The following CPED1 variants were observed in gnomAD, a reference collection of about 807,000 sequenced individuals.
The protein encoded by CPED1 is cadherin like and PC-esterase domain containing 1.
Under a neutral mutation model 128.2 loss-of-function variants are expected in CPED1, and 114 were observed. The observed-to-expected ratio is 0.89, with a 90% CI of 0.76 to 1.04. The LOEUF (loss-of-function observed/expected upper bound fraction) is 1.04, where lower values mean the gene tolerates loss of function less well. Ranked by LOEUF, CPED1 falls within the 50% of genes least tolerant of loss-of-function variation. The pLI, the probability that CPED1 is intolerant of heterozygous loss-of-function variation, is 0.00. For synonymous variants in CPED1, 462 were observed against 426.7 expected (o/e 1.08, Z -1.02); for missense variants, 1,211 against 1,207.1 (o/e 1.00, Z -0.05).
chr7:121,047,033 A>G (rs1161695351), intron 4 of CPED1, 40 bp downstream of exon 4: 4 of 1,193,844 alleles, frequency 3.4e-6, no homozygotes, highest in African/African-American at 3.0e-5. Flanking sequence ...TATCAGCCCT[A>G]CAGATATTAA....
At chr7:121,032,458 G>A (rs1792757374) in intron 3 of CPED1, among the ~76,000 whole-genome samples, 2 of 149,118 alleles carry the variant, frequency 1.3e-5, no homozygotes, top group African/African-American at 2.5e-5. Flanking sequence ...TAAACACTGC[G>A]TGTCTCATAA....
At chr7:121,069,905 C>T (rs1404432854) in intron 5 of CPED1, among the ~76,000 whole-genome samples, 4 of 151,938 alleles carry the variant, frequency 2.6e-5, no homozygotes, top group Non-Finnish European at 5.9e-5. Flanking sequence ...TAAAAGTTTG[C>T]CCAATTTTTG....
rs1157128787 is a variant in CPED1, at chr7:121,296,376, T to C, written c.*724T>C. 1.3e-5 allele frequency: 2 copies of C among 152,192 alleles called. No homozygotes were observed. 9.4% of individuals were successfully genotyped at this position (152,192 alleles called of 1,614,324 possible). A position where few individuals can be genotyped will look rare whatever the true frequency, so the allele number is the denominator to read the frequency against. ...CTTCGATGGGTAACTGCAGTCTGAATTAATGAAATATGTAATTTTAAAGTA... is the reference window on the plus strand; with the variant it reads ...CTTCGATGGGTAACTGCAGTCTGAACTAATGAAATATGTAATTTTAAAGTA... On this transcript the variant is annotated 3_prime_UTR_variant, in exon 23 of 23. Transcript: ENST00000310396.
At chr7:121,146,404 C>T (rs966720744) in intron 16 of CPED1, among the ~76,000 whole-genome samples, 2 of 152,124 alleles carry the variant, frequency 1.3e-5, no homozygotes, top group African/African-American at 4.8e-5. Flanking sequence ...AGTTTCAACA[C>T]ATGAATTTTG....
chr7:121,206,787 C>T (rs1428018048), intron 16 of CPED1, among the ~76,000 whole-genome samples: 3 of 151,780 alleles, frequency 2.0e-5, no homozygotes, highest in African/African-American at 7.3e-5. Context: ...AAACAAATTA[C>T]TCATAATCCC....
chr7:121,015,856 T>G lies in CPED1; in HGVS notation c.433+8T>G, dbSNP rs1295880107. The G allele has an allele frequency of 1.2e-5, 18 of 1,469,670 alleles. No individual in the cohort carries two copies. The highest frequency in any genetic ancestry group is 1.6e-5 in the Non-Finnish European group (18 of 1,110,976). 91.0% of individuals were successfully genotyped at this position (1,469,670 alleles called of 1,614,324 possible). ...CGGGGCTACTAGAACAAGGTCAGAA[T>G]AGTGAGAAGTAACTGCCAAAGTCAC... On this transcript the variant is annotated splice_region_variant and intron_variant, in intron 3 of 22. Coordinates refer to ENST00000310396, the MANE Select transcript of CPED1 (RefSeq NM_024913.5).
At chr7:121,131,453 T>G (rs910193555) in intron 12 of CPED1, among the ~76,000 whole-genome samples, 4 of 151,846 alleles carry the variant, frequency 2.6e-5, no homozygotes, top group Non-Finnish European at 5.9e-5. Context: ...TATAGATGGG[T>G]GAAAAACAGA....
Position 121,297,018 on chromosome 7 carries a change from A to G in CPED1, c.*1366A>G, listed in dbSNP as rs941849418. The G allele has an allele frequency of 6.6e-6, 1 of 152,032 alleles. No individual in the cohort carries two copies. The highest frequency in any genetic ancestry group is 2.4e-5 in the African/African-American group (1 of 41,440). 9.4% of individuals were successfully genotyped at this position (152,032 alleles called of 1,614,324 possible). On this transcript the variant is annotated 3_prime_UTR_variant, in exon 23 of 23. Transcript: ENST00000310396. ...ACTCTATTTTTATATATATTTTTAT[A>G]TGAAGATAAACATGAATTTATATTT...
At chr7:121,127,849 C>T (rs1421755290) in intron 10 of CPED1, among the ~76,000 whole-genome samples, 1 of 151,946 alleles carries the variant, frequency 6.6e-6, no homozygotes. Flanking sequence ...GTATTGTATG[C>T]TACAGAATAC....
chr7:121,034,847 T>C (rs1792843227), intron 3 of CPED1, among the ~76,000 whole-genome samples: 1 of 152,086 alleles, frequency 6.6e-6, no homozygotes, highest in Admixed American at 6.6e-5. Context: ...CATTTCTGAG[T>C]AGCAAGGCTA....
chr7:121,128,457 G>A lies in CPED1; in HGVS notation c.1378G>A (p.Glu460Lys), dbSNP rs1235874049. ...TAACTCAATTATGACTTTCATAAAG[G>A]AACTTGGAAGTCTGGGACAATTCCA... ...EINSIMTFIKELGSLGQFQLL... is the reference protein window; with the variant it reads ...EINSIMTFIKKLGSLGQFQLL... Residue 460 changes from glutamate (E) to lysine (K), a missense_variant, in exon 11 of 23, where the codon GAA becomes AAA. Transcript: ENST00000310396. 6.3e-7 allele frequency: 1 copy of A among 1,594,278 alleles called. No homozygotes were observed. Among genetic ancestry groups the A allele is most frequent in the Non-Finnish European group, 8.6e-7 (1 of 1,162,340 alleles).
chr7:121,142,014 C>T lies in CPED1; in HGVS notation c.1928C>T (p.Ser643Leu), dbSNP rs1334647641. 1.9e-6 allele frequency: 3 copies of T among 1,612,528 alleles called. No homozygotes were observed. The South Asian group carries it at 3.3e-5, about 18-fold the overall frequency. Residue 643 changes from serine (S) to leucine (L), a missense_variant, in exon 16 of 23, where the codon TCA becomes TTA. Physicochemically the swap from Ser to Leu is moderately radical, Grantham distance 145. Transcript: ENST00000310396. ...CTGGGCTTAGGAATGAACAAAATCT[C>T]AATATTTGTTGTGGATGAATCTCCA... is the stretch of plus-strand genomic sequence containing the variant. ...YPLGLGMNKISIFVVDESPAH... is the reference protein window; with the variant it reads ...YPLGLGMNKILIFVVDESPAH...
rs1489114090 is a variant in CPED1 at position 121,140,868 on chromosome 7, C to A, written c.1741C>A (p.Pro581Thr). 2 of 1,612,370 alleles carry A rather than the reference C, an allele frequency of 1.2e-6. No individual in the cohort carries two copies. The highest frequency in any genetic ancestry group is 1.7e-4 in the Middle Eastern group (1 of 6,044). The change falls in exon 15 of 23, where the codon CCA becomes ACA. Residue 581 changes from proline to threonine, a missense_variant. Physicochemically the swap from Pro to Thr is conservative, Grantham distance 38 (BLOSUM62 -1). Coordinates refer to ENST00000310396, the MANE Select transcript of CPED1 (RefSeq NM_024913.5). ...TCATATCAAGCAGATCTTCACACAT[C>A]CACATTTGGAACTAAATCCTGACTT... ...PCHIKQIFTH[P>T]HLELNPDFHP...
chr7:121,034,393 A>G (rs1262893746), intron 3 of CPED1, among the ~76,000 whole-genome samples: 1 of 151,776 alleles, frequency 6.6e-6, no homozygotes, highest in East Asian at 1.9e-4. Flanking sequence ...GATTACAGGC[A>G]TCCACCACCA....
chr7:121,140,352 A>G (rs1230279422), intron 14 of CPED1, among the ~76,000 whole-genome samples: 1 of 151,942 alleles, frequency 6.6e-6, no homozygotes, highest in Non-Finnish European at 1.5e-5. Context: ...TTTGCCCCAC[A>G]CTGCCTATAA....
chr7:121,030,520 T>C (rs1349217015), intron 3 of CPED1, among the ~76,000 whole-genome samples: 1 of 152,234 alleles, frequency 6.6e-6, no homozygotes, highest in Non-Finnish European at 1.5e-5. Context: ...ATCTCCATGC[T>C]GTAGATGCCC....
rs1477842195 is a variant in CPED1 at position 121,295,507 on chromosome 7, T to C, written c.2936T>C (p.Met979Thr). 1 of 1,613,926 alleles carries C rather than the reference T, an allele frequency of 6.2e-7. No homozygotes were observed. Among genetic ancestry groups the C allele is most frequent in the East Asian group, 2.2e-5 (1 of 44,876 alleles). The change falls in exon 23 of 23, where the codon ATG (methionine) becomes ACG (threonine). Residue 979 changes from methionine to threonine, a missense_variant. By Grantham distance (81) the Met-to-Thr change is moderately conservative (BLOSUM62 -1). Transcript: ENST00000310396. ...IKMKRSRNHI[M>T]GRYFSNQSKL... ...ATGAAAAGATCAAGAAATCATATCA[T>C]GGGAAGATATTTCAGCAATCAAAGC...
intron 18 of CPED1, among the ~76,000 whole-genome samples, chr7:121,253,364 A>T (rs566737086): frequency 6.6e-6 from 1 of 151,368 alleles, no homozygotes; most frequent in Non-Finnish European, 1.5e-5. Flanking sequence ...CTAATTCTAA[A>T]TGACGAGTTA....
At chr7:121,275,013 AC>A (rs1274071025) in intron 22 of CPED1, among the ~76,000 whole-genome samples, 1 of 152,134 alleles carries the variant, frequency 6.6e-6, no homozygotes, top group Non-Finnish European at 1.5e-5. Context: ...TTGTGTTAGA[AC>A]CATAAAAATT....
Sources: allele counts gnomAD v4.1 joint callset (sites outside exome capture counted in the v4.1 genomes callset), GRCh38; gene constraint gnomAD v4.1.1; transcripts MANE v1.5; gene names NCBI Gene and HGNC (gene_info 2026-07-23, HGNC 2026-07-21).